The following CST11 variants were observed in gnomAD, a reference collection of about 807,000 sequenced individuals.
CST11 encodes the protein cystatin-11.
CST11 carries 13 observed loss-of-function variants against 14.0 expected under a neutral mutation model. The observed-to-expected ratio is 0.93, with a 90% CI of 0.60 to 1.47. The LOEUF (loss-of-function observed/expected upper bound fraction) is 1.47. Ranked by LOEUF, CST11 falls within the 40% of genes most tolerant of loss-of-function variation. CST11 has a pLI of 0.00. For missense variants in CST11, 181 were observed against 160.0 expected (o/e 1.13, Z -0.71); for synonymous variants, 64 against 57.8 (o/e 1.11, Z -0.48).
In CST11 at chr20:23,451,897, G is replaced by A. The variant is rs36010049; in HGVS notation, c.252C>T (p.His84=). ...TGGTCCACTGCATTTCCACATTCAG[G>A]TGATACTCCAGGTGGTCAGTGACCT... The part of the protein sequence containing the change: ...QRQVTDHLEY[H]LNVEMQWTTC... The change falls in exon 2 of 3, where the codon CAC becomes CAT. Residue 84 remains histidine, a synonymous_variant. Coordinates refer to ENST00000377009, the MANE Select transcript of CST11 (RefSeq NM_130794.2). 4.7e-3 allele frequency: 7,635 copies of A among 1,613,772 alleles called. 264 individuals carry two copies. In the African/African-American group the frequency reaches 0.086, roughly 18 times the overall value.
Position 23,452,713 on chromosome 20 carries a change from G to T in CST11, c.99C>A (p.Ser33Arg). 1 of 1,614,036 alleles carries T rather than the reference G, an allele frequency of 6.2e-7. No homozygotes were observed. Among genetic ancestry groups the T allele is most frequent in the African/African-American group, 1.3e-5 (1 of 75,022 alleles). ...TTTCTACTGCCATCACTTCATGGAC[G>T]CTTAGAAAGGTTTTCTTCCTTGCTT... is the stretch of plus-strand genomic sequence containing the variant. ...PYQARKKTFL[S>R]VHEVMAVENY... is the part of the protein sequence containing the mutation. Residue 33 changes from serine to arginine, a missense_variant, in exon 1 of 3, where the codon AGC becomes AGA. By Grantham distance (110) the Ser-to-Arg change is moderately radical. Coordinates refer to ENST00000377009, the MANE Select transcript of CST11 (RefSeq NM_130794.2).
chr20:23,452,567 G>T lies in CST11; in HGVS notation c.228+17C>A. ...GGCGTATCAGGCCTGGGGAGAGGCG[G>T]GAAGTCATACACTCACCTGCCTCTG... On this transcript the variant is annotated intron_variant, in intron 1 of 2. Transcript: ENST00000377009. The T allele has an allele frequency of 6.5e-7, 1 of 1,529,342 alleles. No individual in the cohort carries two copies. The highest frequency in any genetic ancestry group is 2.2e-5 in the East Asian group (1 of 44,458). 94.7% of individuals were successfully genotyped at this position (1,529,342 alleles called of 1,614,324 possible).
chr20:23,451,520 A>G (rs1045983622), intron 2 of CST11, among the ~76,000 whole-genome samples: 4 of 152,148 alleles, frequency 2.6e-5, no homozygotes, highest in Non-Finnish European at 1.5e-5. Flanking sequence ...CAGGCTGCTT[A>G]AATATTAGGA....
Position 23,452,830 on chromosome 20 carries a change from C to G in CST11, c.-19G>C. 1 of 1,585,980 alleles carries G rather than the reference C, an allele frequency of 6.3e-7. No individual in the cohort carries two copies. The highest frequency in any genetic ancestry group is 8.6e-7 in the Non-Finnish European group (1 of 1,156,634). On this transcript the variant is annotated 5_prime_UTR_variant, in exon 1 of 3. Transcript: ENST00000377009. ...CCATCATCCTTCAGCTGCAGAGGAA[C>G]AGGAAGAGTGTTCTCTGTACTCCTC...
chr20:23,451,965 C>A, intron 1 of CST11, 45 bp from the exon 2 acceptor site: 1 of 1,471,216 alleles, frequency 6.8e-7, no homozygotes, highest in East Asian at 2.3e-5. Flanking sequence ...TCCCCTTCTC[C>A]CCTGTCTGCG....
rs780479341 is a variant in CST11 at position 23,452,862 on chromosome 20, A to C, written c.-51T>G. ...AGTGTTCTCTGTACTCCTCAGGGAC[A>C]AGTCGAATCACACTGACCCTACCTG... On this transcript the variant is annotated 5_prime_UTR_variant, in exon 1 of 3. Coordinates refer to ENST00000377009, the MANE Select transcript of CST11 (RefSeq NM_130794.2). 5 of 1,440,250 alleles carry C rather than the reference A, an allele frequency of 3.5e-6. No individual in the cohort carries two copies. The highest frequency in any genetic ancestry group is 3.8e-6 in the Non-Finnish European group (4 of 1,040,780). The allele number at this position is 1,440,250 out of a possible 1,614,324, so 89.2% of individuals were successfully genotyped here.
chr20:23,452,564 G>T lies in CST11; in HGVS notation c.228+20C>A, dbSNP rs760921401. The T allele has an allele frequency of 1.5e-5, 23 of 1,505,688 alleles. No homozygotes were observed. In the South Asian group the frequency reaches 2.4e-4, roughly 15 times the overall value. The allele number at this position is 1,505,688 out of a possible 1,614,324, so 93.3% of individuals were successfully genotyped here. A position where few individuals can be genotyped will look rare whatever the true frequency, so the allele number is the denominator to read the frequency against. On this transcript the variant is annotated intron_variant, in intron 1 of 2. Transcript: ENST00000377009. ...GTGGGCGTATCAGGCCTGGGGAGAG[G>T]CGGGAAGTCATACACTCACCTGCCT... is the stretch of plus-strand genomic sequence containing the variant.
chr20:23,451,797 A>C lies in CST11; in HGVS notation c.333+19T>G. 1.3e-6 allele frequency: 2 copies of C among 1,585,786 alleles called. No individual in the cohort carries two copies. Among genetic ancestry groups the C allele is most frequent in the Non-Finnish European group, 1.7e-6 (2 of 1,155,980 alleles). ...CTGAAAAGGACTTCTGTCTACGTTA[A>C]AGTGCTTTTACCCAATACCTTGTGA... On this transcript the variant is annotated intron_variant, in intron 2 of 2. Transcript: ENST00000377009.
At chr20:23,452,553 C>G in intron 1 of CST11, 31 bp downstream of exon 1, 1 of 1,424,006 alleles carries the variant, frequency 7.0e-7, no homozygotes, top group Non-Finnish European at 9.9e-7. Flanking sequence ...GCGTATCAGG[C>G]CTGGGGAGAG....
intron 2 of CST11, among the ~76,000 whole-genome samples, chr20:23,451,484 T>G (rs1987087190): frequency 6.6e-6 from 1 of 152,170 alleles, no homozygotes; most frequent in Non-Finnish European, 1.5e-5. Flanking sequence ...AGGTATTCAG[T>G]CAGCGCACCT....
rs953918347 is a variant in CST11, at chr20:23,451,802, C to T, written c.333+14G>A. 7 of 1,602,374 alleles carry T rather than the reference C, an allele frequency of 4.4e-6. No individual in the cohort carries two copies. The Admixed American group carries it at 5.0e-5, about 11-fold the overall frequency. On this transcript the variant is annotated intron_variant, in intron 2 of 2. Coordinates refer to ENST00000377009, the MANE Select transcript of CST11 (RefSeq NM_130794.2). ...AAGGACTTCTGTCTACGTTAAAGTG[C>T]TTTTACCCAATACCTTGTGAAGCTC...
intron 2 of CST11, among the ~76,000 whole-genome samples, chr20:23,451,301 T>C (rs1235306766): frequency 6.9e-6 from 1 of 145,444 alleles, no homozygotes; most frequent in African/African-American, 2.7e-5. Flanking sequence ...GGGTGGTGGC[T>C]TCCCAGCAGA....
Position 23,452,681 on chromosome 20 carries a change from G to C in CST11, c.131C>G (p.Ala44Gly), listed in dbSNP as rs758922528. The change falls in exon 1 of 3, where the codon GCG (alanine) becomes GGG (glycine). Residue 44 changes from alanine (A) to glycine (G), a missense_variant. Coordinates refer to ENST00000377009, the MANE Select transcript of CST11 (RefSeq NM_130794.2). ...GGTGATCCACTGCAAGCTGTCCTTCGCATAGTTTTCTACTGCCATCACTTC... is the reference window on the plus strand; with the variant it reads ...GGTGATCCACTGCAAGCTGTCCTTCCCATAGTTTTCTACTGCCATCACTTC... ...VHEVMAVENYAKDSLQWITDQ... is the reference protein window; with the variant it reads ...VHEVMAVENYGKDSLQWITDQ... The C allele has an allele frequency of 1.9e-6, 3 of 1,613,856 alleles. No individual in the cohort carries two copies. The highest frequency in any genetic ancestry group is 3.3e-5 in the Admixed American group (2 of 60,014).
intron 1 of CST11, 94 bp from the exon 2 acceptor site, chr20:23,452,014 G>T: frequency 1.2e-6 from 1 of 854,314 alleles, no homozygotes; most frequent in South Asian, 1.5e-5. Context: ...CACGTCCAAG[G>T]GCAAGGAGCT....
chr20:23,452,042 C>T (rs1204048778), intron 1 of CST11, 122 bp from the exon 2 acceptor site: 8 of 635,628 alleles, frequency 1.3e-5, no homozygotes, highest in African/African-American at 1.9e-5. Flanking sequence ...GGCGGATTAG[C>T]GGGCTCCTCT....
Position 23,451,902 on chromosome 20 carries a change from A to G in CST11, c.247T>C (p.Tyr83His). Residue 83 changes from tyrosine to histidine, a missense_variant, in exon 2 of 3, where the codon TAT becomes CAT. Coordinates refer to ENST00000377009, the MANE Select transcript of CST11 (RefSeq NM_130794.2). ...VQRQVTDHLE[Y>H]HLNVEMQWTT... ...CACTGCATTTCCACATTCAGGTGATACTCCAGGTGGTCAGTGACCTGTGGG... is the reference window on the plus strand; with the variant it reads ...CACTGCATTTCCACATTCAGGTGATGCTCCAGGTGGTCAGTGACCTGTGGG... 1 of 1,613,576 alleles carries G rather than the reference A, an allele frequency of 6.2e-7. No individual in the cohort carries two copies. The highest frequency in any genetic ancestry group is 8.5e-7 in the Non-Finnish European group (1 of 1,179,706).
chr20:23,452,836 G>A lies in CST11; in HGVS notation c.-25C>T, dbSNP rs1987142955. Reference sequence around the variant, plus strand: ...TCCTTCAGCTGCAGAGGAACAGGAAGAGTGTTCTCTGTACTCCTCAGGGAC... The same window carrying A: ...TCCTTCAGCTGCAGAGGAACAGGAAAAGTGTTCTCTGTACTCCTCAGGGAC... On this transcript the variant is annotated 5_prime_UTR_variant, in exon 1 of 3. Coordinates refer to ENST00000377009, the MANE Select transcript of CST11 (RefSeq NM_130794.2). 5 of 1,568,938 alleles carry A rather than the reference G, an allele frequency of 3.2e-6. No individual in the cohort carries two copies. The highest frequency in any genetic ancestry group is 4.4e-6 in the Non-Finnish European group (5 of 1,142,494).
intron 2 of CST11, among the ~76,000 whole-genome samples, chr20:23,451,390 C>T (rs1002986022): frequency 6.6e-6 from 1 of 152,186 alleles, no homozygotes; most frequent in Non-Finnish European, 1.5e-5. Flanking sequence ...TCCTCACCTC[C>T]TCCTCCCCCT....
intron 2 of CST11, 28 bp downstream of exon 2, chr20:23,451,788 T>A: frequency 6.5e-7 from 1 of 1,529,764 alleles, no homozygotes; most frequent in Non-Finnish European, 9.0e-7. Context: ...AGGACTTCTG[T>A]CTACGTTAAA....
Sources: gnomAD v4.1 joint callset for allele counts (sites outside exome capture counted in the v4.1 genomes callset) on GRCh38, gnomAD v4.1.1 for gene constraint, MANE v1.5 for transcripts, NCBI Gene and HGNC (gene_info 2026-07-23, HGNC 2026-07-21) for gene names.